The following CAST variants were observed in gnomAD, a reference collection of about 807,000 sequenced individuals.
CAST encodes calpastatin.
A neutral mutation model predicts 119.6 loss-of-function variants in CAST; 76 were observed. The ratio of observed to expected loss-of-function variants is 0.64; its 90% CI spans 0.53 to 0.77. The LOEUF is 0.77. Among genes scored for constraint, CAST ranks in the 30% least tolerant of loss-of-function variants. The pLI is 0.00. For synonymous variants in CAST, 319 were observed against 331.6 expected (o/e 0.96, Z 0.41); for missense variants, 953 against 946.5 (o/e 1.01, Z -0.09).
chr5:96,434,353 C>A, the CAST span, among the ~76,000 whole-genome samples: 1 of 152,208 alleles, frequency 6.6e-6, no homozygotes, highest in Non-Finnish European at 1.5e-5. Context: ...AGGACTGCCG[C>A]AGGAGCTGCT....
the CAST span, among the ~76,000 whole-genome samples, chr5:96,331,961 G>A: frequency 1.2e-4 from 18 of 152,190 alleles, no homozygotes; most frequent in Admixed American, 1.0e-3. Flanking sequence ...GCAGAAGGTG[G>A]AACAGTCACT....
chr5:96,158,169 A>G, the CAST span, among the ~76,000 whole-genome samples: 2 of 152,148 alleles, frequency 1.3e-5, no homozygotes, highest in African/African-American at 4.8e-5. Context: ...ACAGCCACCC[A>G]TATCCAATCT....
At chr5:96,689,653 A>G (rs1407287910) in intron 2 of CAST, among the ~76,000 whole-genome samples, 1 of 152,222 alleles carries the variant, frequency 6.6e-6, no homozygotes, top group Non-Finnish European at 1.5e-5. Context: ...GCACAGCTTG[A>G]TTAAATAACC....
chr5:96,010,210 C>T, the CAST span, among the ~76,000 whole-genome samples: 3 of 152,084 alleles, frequency 2.0e-5, no homozygotes, highest in Non-Finnish European at 1.5e-5. Context: ...TATAGTATAG[C>T]TTGAGATTGG....
chr5:96,187,870 C>CAAAGG, the CAST span, among the ~76,000 whole-genome samples: 1 of 152,218 alleles, frequency 6.6e-6, no homozygotes, highest in Non-Finnish European at 1.5e-5. Flanking sequence ...AGAATGACTA[C>CAAAGG]CTGTGAGCAG....
At chr5:96,328,382 CCTCT>C in the CAST span, among the ~76,000 whole-genome samples, 2 of 18,962 alleles carry the variant, frequency 1.1e-4, no homozygotes, top group East Asian at 1.8e-3. Context: ...CTTCTCTCTC[CCTCT>C]CTCTCTCTCT....
the CAST span, among the ~76,000 whole-genome samples, chr5:96,174,397 A>C: frequency 6.6e-6 from 1 of 152,222 alleles, no homozygotes; most frequent in Non-Finnish European, 1.5e-5. Context: ...AGCTGTGAAC[A>C]AGGTCCTGCG....
At chr5:96,545,880 A>C (rs1746002001) in intron 1 of CAST, among the ~76,000 whole-genome samples, 1 of 152,238 alleles carries the variant, frequency 6.6e-6, no homozygotes, top group Non-Finnish European at 1.5e-5. Flanking sequence ...TACCTTCACC[A>C]TCTGTGCCCA....
chr5:96,292,761 G>A, the CAST span, among the ~76,000 whole-genome samples: 2 of 152,316 alleles, frequency 1.3e-5, no homozygotes, highest in African/African-American at 4.8e-5. Flanking sequence ...TGCGTCACAA[G>A]GATGACCCAA....
intron 19 of CAST, among the ~76,000 whole-genome samples, chr5:96,749,537 G>T (rs1441998840): frequency 1.8e-4 from 28 of 152,136 alleles, no homozygotes; most frequent in Admixed American, 1.3e-3. Context: ...TGTTCTTTTT[G>T]TTTGTTTGTT....
At chr5:96,536,561 A>C (rs912761847) in intron 1 of CAST, among the ~76,000 whole-genome samples, 1 of 152,112 alleles carries the variant, frequency 6.6e-6, no homozygotes, top group African/African-American at 2.4e-5. Context: ...AAGGAAGGAG[A>C]GGTAATTATA....
At chr5:96,571,503 T>C (rs1347781874) in intron 1 of CAST, among the ~76,000 whole-genome samples, 2 of 152,232 alleles carry the variant, frequency 1.3e-5, no homozygotes, top group South Asian at 4.1e-4. Context: ...AACACATGTG[T>C]TCTGATCTAG....
chr5:95,975,166 A>G, the CAST span, among the ~76,000 whole-genome samples: 1 of 152,206 alleles, frequency 6.6e-6, no homozygotes, highest in African/African-American at 2.4e-5. Context: ...TCAAATTGTG[A>G]TGGAAATTTT....
chr5:96,517,390 A>C, the CAST span, among the ~76,000 whole-genome samples: 1 of 152,222 alleles, frequency 6.6e-6, no homozygotes, highest in Non-Finnish European at 1.5e-5. Context: ...AAATCAAATC[A>C]GGAGACGTTT....
chr5:96,046,398 G>T, the CAST span, among the ~76,000 whole-genome samples: 1 of 152,194 alleles, frequency 6.6e-6, no homozygotes, highest in South Asian at 2.1e-4. Flanking sequence ...CTGCACCTAA[G>T]TTGTGGGATA....
At chr5:96,432,559 T>G in the CAST span, among the ~76,000 whole-genome samples, 7 of 152,244 alleles carry the variant, frequency 4.6e-5, no homozygotes, top group Middle Eastern at 6.8e-3. Context: ...TGAACAAGCG[T>G]GGAGGGATTT....
the CAST span, among the ~76,000 whole-genome samples, chr5:95,979,070 A>G: frequency 2.0e-5 from 3 of 152,234 alleles, no homozygotes; most frequent in African/African-American, 7.2e-5. Context: ...ATTAAAGAAT[A>G]ATGAGTATCA....
chr5:96,560,363 A>C (rs1351916922), intron 1 of CAST, among the ~76,000 whole-genome samples: 4 of 151,930 alleles, frequency 2.6e-5, no homozygotes, highest in East Asian at 3.9e-4. Flanking sequence ...AATGGGATCT[A>C]ATTAAACTAA....
chr5:96,664,368 T>C (rs940498725), intron 1 of CAST, among the ~76,000 whole-genome samples: 1 of 150,212 alleles, frequency 6.7e-6, no homozygotes, highest in African/African-American at 2.5e-5. Flanking sequence ...TATGTGTGTG[T>C]GCATATATAT....
Sources: allele counts gnomAD v4.1 joint callset (sites outside exome capture counted in the v4.1 genomes callset), GRCh38; gene constraint gnomAD v4.1.1; transcripts MANE v1.5; gene names NCBI Gene and HGNC (gene_info 2026-07-23, HGNC 2026-07-21).